Variants in NEGR1 observed in about 807,000 individuals in gnomAD.
NEGR1 encodes IgLON family member 4.
NEGR1 carries 10 observed loss-of-function variants against 40.9 expected under a neutral mutation model. That is an observed-to-expected ratio of 0.24 (90% CI 0.15 to 0.42). The LOEUF (loss-of-function observed/expected upper bound fraction) is 0.42, where lower values mean the gene tolerates loss of function less well. Ranked by LOEUF, NEGR1 falls within the 10% of genes least tolerant of loss-of-function variation. NEGR1 has a pLI of 1.00. For synonymous variants in NEGR1, 185 were observed against 166.8 expected (o/e 1.11, Z -0.84); for missense variants, 352 against 438.9 (o/e 0.80, Z 1.77).
At chr1:72,225,218 G>A (rs1654137639) in intron 1 of NEGR1, among the ~76,000 whole-genome samples, 1 of 151,800 alleles carries the variant, frequency 6.6e-6, no homozygotes, top group Admixed American at 6.6e-5. Context: ...ATCCTAGTGA[G>A]TAAAAAAATG....
intron 1 of NEGR1, among the ~76,000 whole-genome samples, chr1:72,202,546 T>C (rs1158683094): frequency 6.6e-6 from 1 of 151,978 alleles, no homozygotes; most frequent in East Asian, 1.9e-4. Context: ...AGTGATAAAG[T>C]GCAATAGCTT....
intron 1 of NEGR1, among the ~76,000 whole-genome samples, chr1:72,177,272 C>A (rs1054244982): frequency 6.6e-6 from 1 of 151,990 alleles, no homozygotes; most frequent in Non-Finnish European, 1.5e-5. Context: ...GATTCAAAGC[C>A]AGGCACAGGT....
intron 2 of NEGR1, among the ~76,000 whole-genome samples, chr1:71,915,759 A>G (rs1661558960): frequency 6.6e-6 from 1 of 152,198 alleles, no homozygotes; most frequent in East Asian, 1.9e-4. Flanking sequence ...CATTTTCTCC[A>G]CAGAACATGG....
At chr1:71,529,299 AC>A (rs1252378093) in intron 6 of NEGR1, among the ~76,000 whole-genome samples, 1 of 151,234 alleles carries the variant, frequency 6.6e-6, no homozygotes, top group African/African-American at 2.4e-5. Flanking sequence ...TACAATTTTA[AC>A]TTTTTAGATT....
chr1:72,063,285 C>T (rs1647205690), intron 1 of NEGR1, among the ~76,000 whole-genome samples: 1 of 151,748 alleles, frequency 6.6e-6, no homozygotes, highest in South Asian at 2.1e-4. Context: ...GACTTGGGTT[C>T]AGATAATATA....
chr1:72,115,177 G>A (rs1254434439), intron 1 of NEGR1, among the ~76,000 whole-genome samples: 1 of 151,094 alleles, frequency 6.6e-6, no homozygotes, highest in Non-Finnish European at 1.5e-5. Flanking sequence ...AAGAAGCTGT[G>A]AAAAATGCGT....
intron 1 of NEGR1, among the ~76,000 whole-genome samples, chr1:72,153,570 A>G (rs1368949815): frequency 1.3e-5 from 2 of 151,922 alleles, no homozygotes; most frequent in African/African-American, 2.4e-5. Context: ...CAGAATTTAG[A>G]TAAGTGGTGG....
intron 6 of NEGR1, among the ~76,000 whole-genome samples, chr1:71,570,795 A>G (rs911018800): frequency 1.7e-4 from 26 of 152,180 alleles, no homozygotes; most frequent in African/African-American, 6.0e-4. Context: ...GAAAATTAAC[A>G]TAAGTTTTAA....
At chr1:71,644,129 G>A (rs886160033) in intron 4 of NEGR1, among the ~76,000 whole-genome samples, 6 of 151,924 alleles carry the variant, frequency 3.9e-5, no homozygotes, top group African/African-American at 4.8e-5. Flanking sequence ...TGGTCCCTAT[G>A]AGCTGATTCT....
At chr1:72,042,407 A>G (rs908289406) in intron 1 of NEGR1, among the ~76,000 whole-genome samples, 3 of 151,944 alleles carry the variant, frequency 2.0e-5, no homozygotes, top group African/African-American at 7.2e-5. Flanking sequence ...TTAGCCAGAG[A>G]GTGCATTTCC....
chr1:71,725,658 A>G (rs1474263535), intron 3 of NEGR1, among the ~76,000 whole-genome samples: 2 of 152,114 alleles, frequency 1.3e-5, no homozygotes, highest in Admixed American at 6.6e-5. Flanking sequence ...TCCAGAATGC[A>G]TCCTCACGAA....
At chr1:72,113,866 G>A (rs1299075391) in intron 1 of NEGR1, among the ~76,000 whole-genome samples, 2 of 151,664 alleles carry the variant, frequency 1.3e-5, no homozygotes, top group African/African-American at 2.4e-5. Flanking sequence ...TGTGTGTGAC[G>A]TGACAGCATC....
intron 2 of NEGR1, among the ~76,000 whole-genome samples, chr1:71,905,791 ATAGGTCAG>A (rs1661258783): frequency 6.6e-6 from 1 of 151,950 alleles, no homozygotes; most frequent in African/African-American, 2.4e-5. Context: ...CATTATTCCT[ATAGGTCAG>A]TAGGACAGGA....
At chr1:72,133,142 A>T (rs1650320798) in intron 1 of NEGR1, among the ~76,000 whole-genome samples, 1 of 152,146 alleles carries the variant, frequency 6.6e-6, no homozygotes. Context: ...CTATACCTGT[A>T]AATCAATCCA....
chr1:72,275,572 T>A (rs544662972), intron 1 of NEGR1, among the ~76,000 whole-genome samples: 139 of 152,214 alleles, frequency 9.1e-4, no homozygotes, highest in African/African-American at 3.2e-3. Flanking sequence ...ATGTAATGAA[T>A]GATATCAAGA....
At chr1:71,825,590 T>G (rs1658590270) in intron 2 of NEGR1, among the ~76,000 whole-genome samples, 1 of 151,898 alleles carries the variant, frequency 6.6e-6, no homozygotes, top group Non-Finnish European at 1.5e-5. Flanking sequence ...GACTAGATAT[T>G]GAATCCTTGT....
intron 6 of NEGR1, among the ~76,000 whole-genome samples, chr1:71,541,798 A>G (rs926074979): frequency 2.0e-5 from 3 of 151,834 alleles, no homozygotes; most frequent in African/African-American, 7.2e-5. Context: ...CTATTGGCTC[A>G]GTTAAGAAAA....
At chr1:71,531,296 G>C (rs1407203119) in intron 6 of NEGR1, among the ~76,000 whole-genome samples, 2 of 151,338 alleles carry the variant, frequency 1.3e-5, no homozygotes, top group Non-Finnish European at 3.0e-5. Flanking sequence ...GAGTAGATAA[G>C]AAAGGTACTG....
At chr1:71,545,879 A>C (rs1225759201) in intron 6 of NEGR1, among the ~76,000 whole-genome samples, 1 of 151,668 alleles carries the variant, frequency 6.6e-6, no homozygotes, top group Non-Finnish European at 1.5e-5. Flanking sequence ...TAGCTGTGTA[A>C]TTTTGGCACC....
Sources: allele counts gnomAD v4.1 joint callset (sites outside exome capture counted in the v4.1 genomes callset), GRCh38; gene constraint gnomAD v4.1.1; transcripts MANE v1.5; gene names NCBI Gene and HGNC (gene_info 2026-07-23, HGNC 2026-07-21).